ZNF678: variants seen among roughly 807,000 people sequenced by gnomAD.
ZNF678 encodes zinc finger protein 678, also known as hypothetical protein MGC42493.
A neutral mutation model predicts 3.0 loss-of-function variants in ZNF678; 5 were observed. That is an observed-to-expected ratio of 1.69 (90% confidence interval 0.88 to 3.56). The LOEUF is 3.56. ZNF678 is among the 30% of genes most tolerant of loss of function. The probability of loss-of-function intolerance (pLI) is 0.00; values close to 1 mark genes in which losing one functional copy is unlikely to be tolerated. For synonymous variants in ZNF678, 218 were observed against 199.6 expected (o/e 1.09, Z -0.78); for missense variants, 593 against 605.0 (o/e 0.98, Z 0.21).
At chr1:227,583,764 A>C (rs756975462) in intron 1 of ZNF678, among the ~76,000 whole-genome samples, 1 of 152,186 alleles carries the variant, frequency 6.6e-6, no homozygotes, top group Non-Finnish European at 1.5e-5. Context: ...TGACATGTGC[A>C]AAGTTTTGCC....
rs1659321706 is a variant in ZNF678, at chr1:227,658,748, A to G, written c.*2920A>G. On this transcript the variant is annotated 3_prime_UTR_variant, in exon 4 of 4. Coordinates refer to ENST00000343776, the MANE Select transcript of ZNF678 (RefSeq NM_001367909.1). ...AAGTTAGAAATGCACCATTTGAATC[A>G]TTTAATTGGCATAATTGGGATGTAC... 6.6e-6 allele frequency: 1 copy of G among 152,112 alleles called. No individual in the cohort carries two copies. The highest frequency in any genetic ancestry group is 2.4e-5 in the African/African-American group (1 of 41,438). The allele number at this position is 152,112 out of a possible 1,614,324, so 9.4% of individuals were successfully genotyped here.
At chr1:227,594,536 A>T (rs923503754) in intron 1 of ZNF678, among the ~76,000 whole-genome samples, 1 of 152,246 alleles carries the variant, frequency 6.6e-6, no homozygotes, top group Non-Finnish European at 1.5e-5. Context: ...TTTCCAATTA[A>T]CATTTTAAAA....
At chr1:227,644,795 A>C (rs1001640069) in intron 1 of ZNF678, among the ~76,000 whole-genome samples, 1 of 151,528 alleles carries the variant, frequency 6.6e-6, no homozygotes, top group Admixed American at 6.6e-5. Flanking sequence ...GTTTAAAGAA[A>C]TACTCCCACT....
intron 2 of ZNF678, 113 bp downstream of exon 2, chr1:227,646,783 C>G: frequency 1.0e-6 from 1 of 979,874 alleles, no homozygotes; most frequent in Non-Finnish European, 1.4e-6. Flanking sequence ...TTTTTGATCT[C>G]TGCTTCTAAG....
chr1:227,615,183 G>A (rs148157642), intron 1 of ZNF678, among the ~76,000 whole-genome samples: 314 of 152,288 alleles, frequency 2.1e-3, no homozygotes, highest in Middle Eastern at 6.8e-3. Context: ...GTTATTGGAT[G>A]AAACTTAGCT....
rs1659267299 is a variant in ZNF678, at chr1:227,657,015, T to A, written c.*1187T>A. ...TCAAACAACTTGGGGAGGTTTTTTT[T>A]ATGTGATATGCTTTGGTTTTTTTGT... On this transcript the variant is annotated 3_prime_UTR_variant, in exon 4 of 4. Coordinates refer to ENST00000343776, the MANE Select transcript of ZNF678 (RefSeq NM_001367909.1). 1 of 151,898 alleles carries A rather than the reference T, an allele frequency of 6.6e-6. No homozygotes were observed. The highest frequency in any genetic ancestry group is 1.5e-5 in the Non-Finnish European group (1 of 67,882). 9.4% of individuals were successfully genotyped at this position (151,898 alleles called of 1,614,324 possible).
At position 227,659,017 on chromosome 1, in the gene ZNF678, G is replaced by T. The variant is rs1037266449; in HGVS notation, c.*3189G>T. On this transcript the variant is annotated 3_prime_UTR_variant, in exon 4 of 4. Transcript: ENST00000343776. ...TGGCAAGCAAAAAAGTTTAAATTTA[G>T]TTTTTTATAAATTACATATAGCACA... 1 of 151,794 alleles carries T rather than the reference G, an allele frequency of 6.6e-6. No individual in the cohort carries two copies. The highest frequency in any genetic ancestry group is 2.4e-5 in the African/African-American group (1 of 41,348). The allele number at this position is 151,794 out of a possible 1,614,324, so 9.4% of individuals were successfully genotyped here.
chr1:227,600,109 T>C (rs2102748712), intron 1 of ZNF678, among the ~76,000 whole-genome samples: 1 of 152,294 alleles, frequency 6.6e-6, no homozygotes, highest in African/African-American at 2.4e-5. Context: ...GGCCTCCCAC[T>C]CCACCCATGC....
chr1:227,654,951 A>G lies in ZNF678; in HGVS notation c.701A>G (p.Glu234Gly). The change falls in exon 4 of 4, where the codon GAG becomes GGG. Residue 234 changes from glutamate (E) to glycine (G), a missense_variant. Transcript: ENST00000343776. ...CAACATAAGAGAATTCATACTGGAG[A>G]GAAACCCTACAAATGCAAAGAATGT... ...LTQHKRIHTG[E>G]KPYKCKECCK... 1 of 1,612,688 alleles carries G rather than the reference A, an allele frequency of 6.2e-7. No individual in the cohort carries two copies. The highest frequency in any genetic ancestry group is 8.5e-7 in the Non-Finnish European group (1 of 1,179,468).
At chr1:227,622,642 A>G (rs958595667) in intron 1 of ZNF678, among the ~76,000 whole-genome samples, 1 of 152,096 alleles carries the variant, frequency 6.6e-6, no homozygotes. Context: ...TTTTATTTGT[A>G]TGCCTTTATT....
At chr1:227,637,443 T>A (rs1473354457) in intron 1 of ZNF678, among the ~76,000 whole-genome samples, 1 of 152,228 alleles carries the variant, frequency 6.6e-6, no homozygotes, top group Non-Finnish European at 1.5e-5. Flanking sequence ...GGACAGCAGC[T>A]GCTGCCAATG....
At chr1:227,591,338 T>C (rs568584200) in intron 1 of ZNF678, among the ~76,000 whole-genome samples, 2 of 147,720 alleles carry the variant, frequency 1.4e-5, no homozygotes, top group Non-Finnish European at 3.0e-5. Context: ...GGGCCACTTT[T>C]CCCTTGCTGA....
At chr1:227,669,668 T>G (rs1659568070) in intron 5 of ZNF678, among the ~76,000 whole-genome samples, 1 of 149,960 alleles carries the variant, frequency 6.7e-6, no homozygotes, top group Non-Finnish European at 1.5e-5. Flanking sequence ...AAATACCATC[T>G]CCCACCGGTC....
chr1:227,673,488 T>G (rs997471628), intron 5 of ZNF678, among the ~76,000 whole-genome samples: 1 of 152,218 alleles, frequency 6.6e-6, no homozygotes, highest in African/African-American at 2.4e-5. Flanking sequence ...ACTGATTTAG[T>G]CAAACATCTT....
chr1:227,592,498 T>A (rs183979224), intron 1 of ZNF678, among the ~76,000 whole-genome samples: 1 of 152,260 alleles, frequency 6.6e-6, no homozygotes. Flanking sequence ...ACACATAGGG[T>A]GTAAAGGGAT....
At chr1:227,573,244 C>G (rs1425107818) in intron 1 of ZNF678, among the ~76,000 whole-genome samples, 1 of 152,198 alleles carries the variant, frequency 6.6e-6, no homozygotes, top group East Asian at 1.9e-4. Flanking sequence ...GAAAATGCCA[C>G]CTTTTAATAA....
At chr1:227,670,835 A>G (rs553681203) in intron 5 of ZNF678, among the ~76,000 whole-genome samples, 2 of 152,244 alleles carry the variant, frequency 1.3e-5, no homozygotes, top group Admixed American at 6.5e-5. Context: ...CAGAGTCTCT[A>G]TGCTTATACT....
chr1:227,570,251 T>C (rs1016319262), intron 1 of ZNF678, among the ~76,000 whole-genome samples: 4 of 152,240 alleles, frequency 2.6e-5, no homozygotes, highest in African/African-American at 9.6e-5. Context: ...ACTTTTGAAC[T>C]GTTTTGTGTG....
At chr1:227,640,764 A>G (rs1018274747) in intron 1 of ZNF678, among the ~76,000 whole-genome samples, 11 of 152,130 alleles carry the variant, frequency 7.2e-5, no homozygotes, top group African/African-American at 2.7e-4. Flanking sequence ...TTTATGGGGC[A>G]GCCTAGAGGG....
Sources: allele counts gnomAD v4.1 joint callset (sites outside exome capture counted in the v4.1 genomes callset), GRCh38; gene constraint gnomAD v4.1.1; transcripts MANE v1.5; gene names NCBI Gene and HGNC (gene_info 2026-07-23, HGNC 2026-07-21).